CPLANE1: variants seen among roughly 807,000 people sequenced by gnomAD.
The protein encoded by CPLANE1 is ciliogenesis and planar polarity effector 1.
CPLANE1 carries 263 observed loss-of-function variants against 362.5 expected under a neutral mutation model. The ratio of observed to expected loss-of-function variants is 0.73; its 90% CI spans 0.66 to 0.80. The LOEUF (loss-of-function observed/expected upper bound fraction) is 0.80. Ranked by LOEUF, CPLANE1 falls within the 30% of genes least tolerant of loss-of-function variation. The probability of loss-of-function intolerance (pLI) is 0.00; values close to 1 mark genes in which losing one functional copy is unlikely to be tolerated. For synonymous variants in CPLANE1, 1,212 were observed against 1,302.6 expected, an observed-to-expected ratio of 0.93 and a Z score of 1.50; for missense variants, 3,461 against 3,793.4, an observed-to-expected ratio of 0.91 and a Z score of 2.30.
chr5:37,123,885 G>A (rs1193598682), intron 47 of CPLANE1, among the ~76,000 whole-genome samples: 6 of 151,478 alleles, frequency 4.0e-5, no homozygotes, highest in South Asian at 2.1e-4. Flanking sequence ...CACTGACAGC[G>A]AGAAGGTAAT....
chr5:37,138,500 T>G (rs1188346096), intron 46 of CPLANE1: 1 of 667,590 alleles, frequency 1.5e-6, no homozygotes, highest in East Asian at 3.1e-5. Context: ...TATGTTGTAC[T>G]TAGAGTGATT....
chr5:37,107,887 C>T, intron 52 of CPLANE1, 109 bp from the exon 53 acceptor site: 1 of 1,437,974 alleles, frequency 7.0e-7, no homozygotes, highest in South Asian at 1.5e-5. Context: ...TCTAGAGTTG[C>T]TCATCCATCA....
chr5:37,210,121 G>T, intron 16 of CPLANE1: 1 of 905,228 alleles, frequency 1.1e-6, no homozygotes, highest in Non-Finnish European at 1.8e-6. Flanking sequence ...GAGAAAGCTT[G>T]TCAAGCAAAA....
Position 37,221,307 on chromosome 5 carries a change from GAA to G in CPLANE1, c.2746+15_2746+16del, listed in dbSNP as rs751625561. 6 of 1,323,314 alleles carry G rather than the reference GAA, an allele frequency of 4.5e-6. No individual in the cohort carries two copies. The highest frequency in any genetic ancestry group is 2.0e-4 in the Middle Eastern group (1 of 5,096). 82.0% of individuals were successfully genotyped at this position (1,323,314 alleles called of 1,614,324 possible). ...GTCTCTTTTTAAAAATACAAAGAAA[GAA>G]AAAAAAAAGCATACCTGAAAAATCT... is the stretch of plus-strand genomic sequence containing the variant. On this transcript the variant is annotated intron_variant, in intron 15 of 52. Coordinates refer to ENST00000651892, the MANE Select transcript of CPLANE1 (RefSeq NM_001384732.1).
At chr5:37,248,031 C>T (rs1423365155) in intron 1 of CPLANE1, among the ~76,000 whole-genome samples, 1 of 151,934 alleles carries the variant, frequency 6.6e-6, no homozygotes, top group Non-Finnish European at 1.5e-5. Flanking sequence ...TTCAAGTGAT[C>T]CATCCACTTC....
At position 37,196,075 on chromosome 5, in the gene CPLANE1, C is replaced by G. The variant is rs989319856; in HGVS notation, c.3673-79G>C. 2.4e-5 allele frequency: 29 copies of G among 1,230,022 alleles called. No homozygotes were observed. In the African/African-American group the frequency reaches 4.5e-4, roughly 19 times the overall value. 76.2% of individuals were successfully genotyped at this position (1,230,022 alleles called of 1,614,324 possible). On this transcript the variant is annotated intron_variant, in intron 20 of 52. Coordinates refer to ENST00000651892, the MANE Select transcript of CPLANE1 (RefSeq NM_001384732.1). ...TAAAAGAAACTATAAAAGAATCAGGCAGGTAAGATAAGCCACACAGAATGG... is the reference window on the plus strand; with the variant it reads ...TAAAAGAAACTATAAAAGAATCAGGGAGGTAAGATAAGCCACACAGAATGG...
At position 37,185,087 on chromosome 5, in the gene CPLANE1, GAA is replaced by G. The variant is rs111508546; in HGVS notation, c.4190-10_4190-9del. The stretch of plus-strand genomic sequence containing the variant: ...TTTCCTCAGTCTGGGGTCCTGGAAA[GAA>G]AAGAATAAAAAGTCTTAGTGTTCAT... On this transcript the variant is annotated splice_polypyrimidine_tract_variant and intron_variant, in intron 24 of 52. Transcript: ENST00000651892. 10,460 of 1,588,058 alleles carry G rather than the reference GAA, an allele frequency of 6.6e-3. 611 individuals are homozygous for G. The African/African-American group carries it at 0.13, about 19-fold the overall frequency.
intron 21 of CPLANE1, among the ~76,000 whole-genome samples, chr5:37,194,662 T>TC (rs1339096621): frequency 1.3e-5 from 2 of 151,580 alleles, no homozygotes; most frequent in Non-Finnish European, 2.9e-5. Context: ...ATAAACTTTT[T>TC]TTTTTTTTTT....
intron 1 of CPLANE1, among the ~76,000 whole-genome samples, chr5:37,248,139 A>G (rs868467513): frequency 6.8e-6 from 1 of 147,992 alleles, no homozygotes; most frequent in South Asian, 2.1e-4. Flanking sequence ...TTTATATTTT[A>G]TTTCTGAGTT....
intron 18 of CPLANE1, among the ~76,000 whole-genome samples, chr5:37,203,281 C>A (rs1037398351): frequency 6.6e-6 from 1 of 152,166 alleles, no homozygotes; most frequent in African/African-American, 2.4e-5. Flanking sequence ...TGGAATCATA[C>A]GGTATGTAGT....
chr5:37,108,508 GATTCATTC>G (rs754922699), intron 51 of CPLANE1, 37 bp from the exon 52 acceptor site: 5 of 1,537,008 alleles, frequency 3.3e-6, no homozygotes, highest in Non-Finnish European at 2.7e-6. Flanking sequence ...CATTGGGATT[GATTCATTC>G]ATTCATTCAT....
At chr5:37,227,931 G>A (rs561392745) in intron 9 of CPLANE1, 114 bp from the exon 10 acceptor site, 15 of 955,134 alleles carry the variant, frequency 1.6e-5, no homozygotes, top group Non-Finnish European at 2.3e-5. Context: ...GCAAGCAAGT[G>A]AAACACACAA....
At position 37,165,527 on chromosome 5, in the gene CPLANE1, GT is replaced by G; in HGVS notation, c.7533+11del. The stretch of plus-strand genomic sequence containing the variant: ...GCAAACCAGGGAAGAATCTATAGCA[GT>G]TTTTCTATACCTTGGGTTTCTTAAT... On this transcript the variant is annotated intron_variant, in intron 36 of 52. Coordinates refer to ENST00000651892, the MANE Select transcript of CPLANE1 (RefSeq NM_001384732.1). 1 of 1,607,988 alleles carries G rather than the reference GT, an allele frequency of 6.2e-7. No homozygotes were observed. Among genetic ancestry groups the G allele is most frequent in the South Asian group, 1.1e-5 (1 of 89,446 alleles).
chr5:37,081,370 T>C, the CPLANE1 span, among the ~76,000 whole-genome samples: 1 of 152,172 alleles, frequency 6.6e-6, no homozygotes, highest in Non-Finnish European at 1.5e-5. Flanking sequence ...TCACCCAGGC[T>C]GGAGTGCAGT....
intron 47 of CPLANE1, chr5:37,124,975 A>G: frequency 8.5e-7 from 1 of 1,175,898 alleles, no homozygotes; most frequent in Non-Finnish European, 1.0e-6. Flanking sequence ...CAATCACTCA[A>G]CCTCCTCCTC....
intron 19 of CPLANE1, among the ~76,000 whole-genome samples, chr5:37,199,958 C>T (rs1788661884): frequency 6.6e-6 from 1 of 152,174 alleles, no homozygotes; most frequent in Non-Finnish European, 1.5e-5. Flanking sequence ...AATAATTTTG[C>T]CACTTCTCTT....
chr5:37,169,475 T>C lies in CPLANE1; in HGVS notation c.6549A>G (p.Pro2183=). The C allele has an allele frequency of 6.2e-7, 1 of 1,614,088 alleles. No homozygotes were observed. The highest frequency in any genetic ancestry group is 8.5e-7 in the Non-Finnish European group (1 of 1,179,996). The change falls in exon 34 of 53, where the codon CCA becomes CCG. Residue 2183 remains proline (P), a synonymous_variant. Coordinates refer to ENST00000651892, the MANE Select transcript of CPLANE1 (RefSeq NM_001384732.1). Reference sequence around the variant, plus strand: ...CAGGAGCTGGATAAAACGAAGTGGATGGTAAGTTTTGAGATGATGGAATTG... The same window carrying C: ...CAGGAGCTGGATAAAACGAAGTGGACGGTAAGTTTTGAGATGATGGAATTG... ...KGPIPSSQNL[P]STSFYPAPAG...
intron 2 of CPLANE1, among the ~76,000 whole-genome samples, chr5:37,247,186 G>A (rs1739971717): frequency 6.6e-6 from 1 of 152,124 alleles, no homozygotes; most frequent in South Asian, 2.1e-4. Flanking sequence ...GATTACTAAC[G>A]TATTGTGGCC....
chr5:37,183,903 A>C (rs2151162172), intron 25 of CPLANE1, among the ~76,000 whole-genome samples: 1 of 152,286 alleles, frequency 6.6e-6, no homozygotes, highest in Admixed American at 6.5e-5. Context: ...TGAGATCAAA[A>C]AAAAATTACT....
Sources: allele counts gnomAD v4.1 joint callset (sites outside exome capture counted in the v4.1 genomes callset), GRCh38; gene constraint gnomAD v4.1.1; transcripts MANE v1.5; gene names NCBI Gene and HGNC (gene_info 2026-07-23, HGNC 2026-07-21).